Variants in LDLRAD4 observed in about 807,000 individuals in gnomAD.
LDLRAD4 encodes low-density lipoprotein receptor class A domain-containing protein 4.
A neutral mutation model predicts 17.0 loss-of-function variants in LDLRAD4; 5 were observed. The observed-to-expected ratio is 0.29, with a 90% CI of 0.15 to 0.62. The LOEUF is 0.62. Among genes scored for constraint, LDLRAD4 ranks in the 20% least tolerant of loss-of-function variants. The pLI is 0.84. For synonymous variants in LDLRAD4, 168 were observed against 171.8 expected, an observed-to-expected ratio of 0.98 and a Z score of 0.17; for missense variants, 340 against 424.7, an observed-to-expected ratio of 0.80 and a Z score of 1.75.
chr18:13,266,319 G>A (rs1056991640), intron 1 of LDLRAD4, among the ~76,000 whole-genome samples: 4 of 152,318 alleles, frequency 2.6e-5, no homozygotes, highest in Admixed American at 2.6e-4. Context: ...GCTAGCCTGG[G>A]AGCTCCTCGA....
chr18:13,450,617 T>C (rs117736734), intron 3 of LDLRAD4, among the ~76,000 whole-genome samples: 10,373 of 151,984 alleles, frequency 0.068, 439 homozygotes, highest in Non-Finnish European at 0.099. Context: ...CATGGGAGGG[T>C]GCAGTGTGTG....
At chr18:13,575,999 T>C (rs944369730) in intron 3 of LDLRAD4, among the ~76,000 whole-genome samples, 6 of 152,252 alleles carry the variant, frequency 3.9e-5, no homozygotes, top group African/African-American at 1.4e-4. Flanking sequence ...GTATAGATTG[T>C]GAAGATTTTC....
At chr18:13,474,797 C>T (rs538195568) in intron 3 of LDLRAD4, among the ~76,000 whole-genome samples, 1 of 152,326 alleles carries the variant, frequency 6.6e-6, no homozygotes, top group South Asian at 2.1e-4. Flanking sequence ...GTTAGGATGG[C>T]TATGTCTGAC....
chr18:13,612,596 A>G (rs1394257205), intron 3 of LDLRAD4: 3 of 1,564,534 alleles, frequency 1.9e-6, no homozygotes, highest in Non-Finnish European at 2.6e-6. Context: ...TGCCAGCTAT[A>G]ACTGCAGCTC....
At chr18:13,575,893 G>A (rs138040257) in intron 3 of LDLRAD4, among the ~76,000 whole-genome samples, 12 of 152,264 alleles carry the variant, frequency 7.9e-5, no homozygotes, top group African/African-American at 2.2e-4. Flanking sequence ...GTCTACTCAT[G>A]TCCTCAGCCC....
intron 3 of LDLRAD4, chr18:13,487,681 C>T (rs1413009657): frequency 2.0e-5 from 3 of 152,264 alleles, no homozygotes; most frequent in East Asian, 3.9e-4. Context: ...AAGTAAAACC[C>T]TTGCCTTCAC....
intron 2 of LDLRAD4, among the ~76,000 whole-genome samples, chr18:13,390,494 G>T (rs1244676389): frequency 1.3e-5 from 2 of 152,178 alleles, no homozygotes; most frequent in Non-Finnish European, 2.9e-5. Context: ...AGAGACTGAG[G>T]TTTAATTGGT....
At position 13,390,850 on chromosome 18, in the gene LDLRAD4, C is replaced by T. The variant is rs549322199; in HGVS notation, c.40+3088C>T. Among the ~76,000 whole-genome samples, 44 of 152,338 alleles carry T rather than the reference C, an allele frequency of 2.9e-4. No individual in the cohort carries two copies. In the South Asian group the frequency reaches 7.3e-3, roughly 25 times the overall value. ...CAGCAGTGAAATAAGGAGATGTGAG[C>T]GCCTGGCCTTCTCTGGAGCTGGGTC... On this transcript the variant is annotated intron_variant, in intron 2 of 5. Transcript: ENST00000359446.
At chr18:13,555,732 T>C (rs986879485) in intron 3 of LDLRAD4, among the ~76,000 whole-genome samples, 3 of 152,210 alleles carry the variant, frequency 2.0e-5, no homozygotes, top group African/African-American at 7.2e-5. Context: ...AGAAACTCAC[T>C]GTAATTAGTC....
At chr18:13,566,479 CA>C (rs2094603812) in intron 3 of LDLRAD4, among the ~76,000 whole-genome samples, 1 of 151,876 alleles carries the variant, frequency 6.6e-6, no homozygotes, top group Admixed American at 6.6e-5. Context: ...TCTCCTGCCT[CA>C]GCCTCTCGAG....
chr18:13,226,540 C>T (rs1408090528), intron 1 of LDLRAD4, among the ~76,000 whole-genome samples: 4 of 151,942 alleles, frequency 2.6e-5, no homozygotes, highest in African/African-American at 9.7e-5. Flanking sequence ...GGGCACATGA[C>T]GTTTAAATTT....
chr18:13,496,495 G>T (rs150891609), intron 3 of LDLRAD4, among the ~76,000 whole-genome samples: 241 of 152,332 alleles, frequency 1.6e-3, no homozygotes, highest in African/African-American at 5.4e-3. Flanking sequence ...AATCTTTCGT[G>T]TGGAAGTTGA....
intron 4 of LDLRAD4, chr18:13,641,919 TGGCTAC>T: frequency 3.0e-6 from 3 of 985,490 alleles, no homozygotes; most frequent in Non-Finnish European, 3.6e-6. Flanking sequence ...GCGGCGTTCC[TGGCTAC>T]GGCTGACTGG....
chr18:13,366,793 C>T lies in LDLRAD4; in HGVS notation c.-382-20548C>T, dbSNP rs1266879008. Among the ~76,000 whole-genome samples the T allele has an allele frequency of 2.6e-5, 4 of 152,192 alleles. No individual in the cohort carries two copies. The South Asian group carries it at 6.2e-4, about 24-fold the overall frequency. On this transcript the variant is annotated intron_variant, in intron 1 of 5. Transcript: ENST00000359446. Reference sequence around the variant, plus strand: ...GGCCAGTGGCTTCTCTCCAGCACCGCAGTGATGGGTGCTGACGGTTCATGA... The same window carrying T: ...GGCCAGTGGCTTCTCTCCAGCACCGTAGTGATGGGTGCTGACGGTTCATGA...
intron 3 of LDLRAD4, among the ~76,000 whole-genome samples, chr18:13,603,116 CT>C (rs1169205828): frequency 6.6e-6 from 1 of 152,162 alleles, no homozygotes; most frequent in East Asian, 1.9e-4. Context: ...GAAACTTCGT[CT>C]TTTTAGGGCC....
intron 4 of LDLRAD4, chr18:13,642,441 T>C: frequency 9.3e-6 from 11 of 1,176,762 alleles, no homozygotes; most frequent in African/African-American, 3.2e-5. Flanking sequence ...GAACCTTTAC[T>C]GAGGCCTGTG....
At position 13,357,243 on chromosome 18, in the gene LDLRAD4, T is replaced by TTTAA. The variant is rs139431677; in HGVS notation, c.-382-30082_-382-30079dup. 9.0e-3 allele frequency among the ~76,000 whole-genome samples: 1,378 copies of TTTAA among 152,266 alleles called. 36 individuals carry two copies. In the East Asian group the frequency reaches 0.11, roughly 12 times the overall value. On this transcript the variant is annotated intron_variant, in intron 1 of 5. Coordinates refer to ENST00000359446, the Ensembl canonical transcript of LDLRAD4. ...CTCTACTTCCTTATTTTCCTTGAAGTTTAATTAATTAATTAATTAGAGATG... is the reference window on the plus strand; with the variant it reads ...CTCTACTTCCTTATTTTCCTTGAAGTTTAATTAATTAATTAATTAATTAGAGATG...
At chr18:13,349,080 C>T (rs767160035) in intron 1 of LDLRAD4, among the ~76,000 whole-genome samples, 5 of 152,222 alleles carry the variant, frequency 3.3e-5, no homozygotes, top group South Asian at 4.1e-4. Context: ...CCCCCACTGT[C>T]CTGCACCCAC....
intron 3 of LDLRAD4, among the ~76,000 whole-genome samples, chr18:13,538,896 T>A (rs1372307002): frequency 6.6e-6 from 1 of 151,986 alleles, no homozygotes; most frequent in Non-Finnish European, 1.5e-5. Flanking sequence ...GGCTCTAGAG[T>A]TTATCTGCTT....
Sources: gnomAD v4.1 joint callset for allele counts (sites outside exome capture counted in the v4.1 genomes callset) on GRCh38, gnomAD v4.1.1 for gene constraint, MANE v1.5 for transcripts, NCBI Gene and HGNC (gene_info 2026-07-23, HGNC 2026-07-21) for gene names.